PGBD2: variants seen among roughly 807,000 people sequenced by gnomAD.
PGBD2 encodes piggyBac transposable element derived 2.
Under a neutral mutation model 8.1 loss-of-function variants are expected in PGBD2, and 6 were observed. That is an observed-to-expected ratio of 0.74 (90% CI 0.40 to 1.46). The LOEUF (loss-of-function observed/expected upper bound fraction) is 1.46, where lower values mean the gene tolerates loss of function less well. PGBD2 is among the 40% of genes most tolerant of loss of function. The pLI, the probability that PGBD2 is intolerant of heterozygous loss-of-function variation, is 0.02. For synonymous variants in PGBD2, 318 were observed against 272.2 expected, an observed-to-expected ratio of 1.17 and a Z score of -1.66; for missense variants, 802 against 739.0, an observed-to-expected ratio of 1.09 and a Z score of -0.99.
At chr1:248,912,332 C>A (rs1003902258) in intron 1 of PGBD2, among the ~76,000 whole-genome samples, 2 of 152,188 alleles carry the variant, frequency 1.3e-5, no homozygotes, top group African/African-American at 4.8e-5. Flanking sequence ...TGTCTAATCT[C>A]CTGGAAAACT....
intron 2 of PGBD2, chr1:248,914,462 C>G (rs1662020008): frequency 1.6e-6 from 2 of 1,286,108 alleles, no homozygotes; most frequent in Admixed American, 4.6e-5. Flanking sequence ...GAATACCTCA[C>G]CTCCCTGGAG....
chr1:248,916,663 C>T lies in PGBD2; in HGVS notation c.79C>T (p.Leu27=), dbSNP rs368705968. The change falls in exon 3 of 3, where the codon CTG becomes TTG. Residue 27 remains leucine (L), a synonymous_variant. Transcript: ENST00000329291. ...GAAGTCTGCAAAGCTGCTTGAGGTT[C>T]TGAATGCTATGGAGGAGGAAGAGTC... ...KVKSAKLLEV[L]NAMEEEESNN... The T allele has an allele frequency of 1.2e-6, 2 of 1,614,030 alleles. No individual in the cohort carries two copies. Among genetic ancestry groups the T allele is most frequent in the African/African-American group, 1.3e-5 (1 of 74,898 alleles).
At chr1:248,874,919 TAGATA>T in the PGBD2 span, among the ~76,000 whole-genome samples, 2 of 147,296 alleles carry the variant, frequency 1.4e-5, no homozygotes, top group Non-Finnish European at 3.0e-5. Context: ...GATAGATAGA[TAGATA>T]GATAGATAGA....
chr1:248,900,936 A>G, the PGBD2 span, among the ~76,000 whole-genome samples: 10 of 152,208 alleles, frequency 6.6e-5, no homozygotes, highest in Admixed American at 6.5e-5. Context: ...AAGCATTCCT[A>G]TGTACCAAGA....
downstream of PGBD2, among the ~76,000 whole-genome samples, chr1:248,922,062 CT>C (rs977032872): frequency 0.066 from 9,108 of 138,918 alleles, 450 homozygotes; most frequent in African/African-American, 0.15. Context: ...TTTCTTTTTT[CT>C]TTTTTTTTTT....
In PGBD2 at chr1:248,917,336, G is replaced by A. The variant is rs747821752; in HGVS notation, c.752G>A (p.Arg251Gln). 35 of 1,613,992 alleles carry A rather than the reference G, an allele frequency of 2.2e-5. No individual in the cohort carries two copies. Among genetic ancestry groups the A allele is most frequent in the East Asian group, 4.5e-5 (2 of 44,896 alleles). Residue 251 changes from arginine to glutamine, a missense_variant, in exon 3 of 3, where the codon CGG (arginine) becomes CAG (glutamine). Physicochemically the swap from Arg to Gln is conservative, Grantham distance 43 (BLOSUM62 1). Transcript: ENST00000329291. ...RFAKVRPLII[R>Q]MNCNFQKHAP... ...GCCAAGGTCAGACCTCTCATCATCC[G>A]GATGAACTGCAATTTCCAGAAGCAT...
chr1:248,886,296 T>G, the PGBD2 span, among the ~76,000 whole-genome samples: 1 of 152,354 alleles, frequency 6.6e-6, no homozygotes, highest in South Asian at 2.1e-4. Flanking sequence ...TGTACATTAT[T>G]CATAGAAATA....
the PGBD2 span, among the ~76,000 whole-genome samples, chr1:248,879,181 C>T: frequency 6.6e-6 from 1 of 152,102 alleles, no homozygotes; most frequent in African/African-American, 2.4e-5. Context: ...ATTTTAAATT[C>T]ATCTTGCTGT....
intron 1 of PGBD2, among the ~76,000 whole-genome samples, chr1:248,908,471 C>T (rs1315583435): frequency 6.6e-6 from 1 of 151,690 alleles, no homozygotes; most frequent in Admixed American, 6.6e-5. Context: ...TCTCCCCTGC[C>T]CTACCCCCTC....
chr1:248,893,828 T>C, the PGBD2 span, among the ~76,000 whole-genome samples: 2 of 152,246 alleles, frequency 1.3e-5, no homozygotes, highest in African/African-American at 2.4e-5. Flanking sequence ...CTATTTTCCA[T>C]AATAGCTGTA....
At chr1:248,923,792 A>G (rs1050717523), downstream of PGBD2, among the ~76,000 whole-genome samples, 3 of 152,204 alleles carry the variant, frequency 2.0e-5, no homozygotes, top group Non-Finnish European at 4.4e-5. Flanking sequence ...CACAGTCAGC[A>G]TAAGGATGGG....
the PGBD2 span, among the ~76,000 whole-genome samples, chr1:248,885,689 C>CA: frequency 2.0e-5 from 3 of 152,206 alleles, no homozygotes; most frequent in African/African-American, 7.2e-5. Flanking sequence ...ATAACCCCCA[C>CA]ACTCATCCTG....
chr1:248,911,214 A>G (rs1195150613), intron 1 of PGBD2, among the ~76,000 whole-genome samples: 1 of 151,524 alleles, frequency 6.6e-6, no homozygotes, highest in African/African-American at 2.4e-5. Flanking sequence ...AGGTCAGCAG[A>G]TAAACATGTG....
At chr1:248,898,875 A>G in the PGBD2 span, among the ~76,000 whole-genome samples, 1 of 152,220 alleles carries the variant, frequency 6.6e-6, no homozygotes, top group Non-Finnish European at 1.5e-5. Flanking sequence ...TCACATGCAG[A>G]GACACAAATA....
rs1273433022 is a variant in PGBD2 at position 248,917,399 on chromosome 1, T to A, written c.815T>A (p.Met272Lys). 1.9e-6 allele frequency: 3 copies of A among 1,614,002 alleles called. No homozygotes were observed. Among genetic ancestry groups the A allele is most frequent in the Non-Finnish European group, 2.5e-6 (3 of 1,180,020 alleles). Residue 272 changes from methionine to lysine, a missense_variant, in exon 3 of 3, where the codon ATG becomes AAG. Physicochemically the swap from Met to Lys is moderately conservative, Grantham distance 95. Transcript: ENST00000329291. ...LEEFYSFGES[M>K]CEYFGHRGSK... ...GAGTTCTACAGCTTTGGCGAGTCTA[T>A]GTGTGAGTACTTTGGGCACCGGGGG...
At chr1:248,883,216 C>T in the PGBD2 span, among the ~76,000 whole-genome samples, 10 of 152,042 alleles carry the variant, frequency 6.6e-5, no homozygotes, top group Non-Finnish European at 1.0e-4. Flanking sequence ...CTCCGCCTCC[C>T]AGGTTCAAGT....
At chr1:248,874,310 G>T in the PGBD2 span, among the ~76,000 whole-genome samples, 1 of 152,152 alleles carries the variant, frequency 6.6e-6, no homozygotes, top group Non-Finnish European at 1.5e-5. Flanking sequence ...TTCGATTCCC[G>T]GTCAGGAAAG....
chr1:248,919,179 TACTC>T (rs1196364964), downstream of PGBD2: 1 of 167,048 alleles, frequency 6.0e-6, no homozygotes, highest in Non-Finnish European at 1.5e-5. Context: ...TACTAGGTCT[TACTC>T]ATTCTTTCTA....
At chr1:248,875,324 A>AAAAAAAAAAAAAAG in the PGBD2 span, among the ~76,000 whole-genome samples, 1 of 149,354 alleles carries the variant, frequency 6.7e-6, no homozygotes, top group African/African-American at 2.5e-5. Flanking sequence ...AAAAAAAAAA[A>AAAAAAAAAAAAAAG]AAAAGAAAAG....
Sources: gnomAD v4.1 joint callset for allele counts (sites outside exome capture counted in the v4.1 genomes callset) on GRCh38, gnomAD v4.1.1 for gene constraint, MANE v1.5 for transcripts, NCBI Gene and HGNC (gene_info 2026-07-23, HGNC 2026-07-21) for gene names.